Variants in RPGRIP1L observed in about 807,000 individuals in gnomAD.
The protein encoded by RPGRIP1L is RPGRIP1 like, also known as protein fantom.
Under a neutral mutation model 160.4 loss-of-function variants are expected in RPGRIP1L, and 131 were observed. The observed-to-expected ratio is 0.82, with a 90% CI of 0.71 to 0.94. The LOEUF is 0.94. Ranked by LOEUF, RPGRIP1L falls within the 40% of genes least tolerant of loss-of-function variation. The probability of loss-of-function intolerance (pLI) is 0.00; values close to 1 mark genes in which losing one functional copy is unlikely to be tolerated. For synonymous variants in RPGRIP1L, 510 were observed against 515.8 expected (o/e 0.99, Z 0.15); for missense variants, 1,522 against 1,535.8 (o/e 0.99, Z 0.15).
intron 24 of RPGRIP1L, among the ~76,000 whole-genome samples, chr16:53,611,816 C>T (rs1053142532): frequency 4.6e-5 from 7 of 152,160 alleles, no homozygotes; most frequent in Non-Finnish European, 7.4e-5. Context: ...GTTCTCAGTT[C>T]GGCAGACTTT....
At chr16:53,695,428 C>T (rs1472439947) in intron 3 of RPGRIP1L, 2 of 702,836 alleles carry the variant, frequency 2.8e-6, no homozygotes, top group Non-Finnish European at 5.2e-6. Context: ...TATTTTCATT[C>T]TTCAATGGTT....
At chr16:53,663,388 T>C (rs1339870925) in intron 10 of RPGRIP1L, among the ~76,000 whole-genome samples, 2 of 152,060 alleles carry the variant, frequency 1.3e-5, no homozygotes, top group Non-Finnish European at 2.9e-5. Flanking sequence ...ATCCAAAAGA[T>C]AACAGCTTTA....
chr16:53,645,774 G>T lies in RPGRIP1L; in HGVS notation c.2534C>A (p.Pro845Gln). The part of the protein sequence containing the change: ...DPQFDDHMYF[P>Q]VPMNMDLDRY... Reference sequence around the variant, plus strand: ...ATCCAAGTCCATATTCATTGGCACTGGGAAATACATATGATCATCAAACTG... The same window carrying T: ...ATCCAAGTCCATATTCATTGGCACTTGGAAATACATATGATCATCAAACTG... The change falls in exon 17 of 27, where the codon CCA (proline) becomes CAA (glutamine). Residue 845 changes from proline (P) to glutamine (Q), a missense_variant. Coordinates refer to ENST00000647211, the MANE Select transcript of RPGRIP1L (RefSeq NM_015272.5). The T allele has an allele frequency of 6.2e-7, 1 of 1,614,106 alleles. No individual in the cohort carries two copies. The highest frequency in any genetic ancestry group is 1.1e-5 in the South Asian group (1 of 91,058).
chr16:53,641,101 G>A lies in RPGRIP1L; in HGVS notation c.2890C>T (p.Pro964Ser). ...TCTACAGGTGTTAAACGTTGTCTTG[G>A]TTTAGGTCTTGGTGCCTAAGACAAA... ...STLVLAPRPK[P>S]RQRLTPVDKK... Residue 964 changes from proline to serine, a missense_variant, in exon 19 of 27, where the codon CCA becomes TCA. Transcript: ENST00000647211. 6.2e-7 allele frequency: 1 copy of A among 1,613,704 alleles called. No individual in the cohort carries two copies. Among genetic ancestry groups the A allele is most frequent in the Non-Finnish European group, 8.5e-7 (1 of 1,179,756 alleles).
rs565356908 is a variant in RPGRIP1L at position 53,598,224 on chromosome 16, T to C, written c.*3852A>G. 6.6e-6 allele frequency: 1 copy of C among 152,220 alleles called. No homozygotes were observed. The highest frequency in any genetic ancestry group is 2.1e-4 in the South Asian group (1 of 4,810). The allele number at this position is 152,220 out of a possible 1,614,324, so 9.4% of individuals were successfully genotyped here. On this transcript the variant is annotated 3_prime_UTR_variant, in exon 27 of 27. Coordinates refer to ENST00000647211, the MANE Select transcript of RPGRIP1L (RefSeq NM_015272.5). Reference sequence around the variant, plus strand: ...CACAGTGAAGACAGAGGTAATGCTGTTCTAGGGATGAAAAAGGTGACTCTC... The same window carrying C: ...CACAGTGAAGACAGAGGTAATGCTGCTCTAGGGATGAAAAAGGTGACTCTC...
At chr16:53,603,580 C>T (rs1018851266) in intron 26 of RPGRIP1L, among the ~76,000 whole-genome samples, 19 of 152,174 alleles carry the variant, frequency 1.2e-4, no homozygotes, top group African/African-American at 3.6e-4. Context: ...GTCCACCTGC[C>T]TTGGTCTCCC....
At chr16:53,658,620 T>C in intron 11 of RPGRIP1L, 152 bp downstream of exon 11, 1 of 831,764 alleles carries the variant, frequency 1.2e-6, no homozygotes. Flanking sequence ...AAAATGTCCC[T>C]ATGGAACATA....
At chr16:53,622,457 C>G in intron 22 of RPGRIP1L, 101 bp from the exon 23 acceptor site, 1 of 538,626 alleles carries the variant, frequency 1.9e-6, no homozygotes, top group Non-Finnish European at 3.3e-6. Flanking sequence ...CATTCCCTCT[C>G]CTCTCCCCCA....
At chr16:53,646,636 G>A (rs375597936) in intron 16 of RPGRIP1L, among the ~76,000 whole-genome samples, 1 of 152,106 alleles carries the variant, frequency 6.6e-6, no homozygotes, top group African/African-American at 2.4e-5. Context: ...GGAGATGGAC[G>A]GCACACAGAT....
chr16:53,645,528 G>T, intron 17 of RPGRIP1L, 97 bp downstream of exon 17: 1 of 1,161,826 alleles, frequency 8.6e-7, no homozygotes, highest in Non-Finnish European at 1.2e-6. Context: ...CTGAGAAGAG[G>T]TTAGGGTGAT....
At chr16:53,609,292 C>G (rs1479206549) in intron 25 of RPGRIP1L, among the ~76,000 whole-genome samples, 1 of 151,998 alleles carries the variant, frequency 6.6e-6, no homozygotes, top group Non-Finnish European at 1.5e-5. Context: ...GATGGGGAGT[C>G]TCACTATGTT....
intron 4 of RPGRIP1L, 114 bp from the exon 5 acceptor site, chr16:53,688,079 T>C (rs939038808): frequency 7.6e-5 from 53 of 693,406 alleles, no homozygotes; most frequent in Admixed American, 2.1e-4. Context: ...AAGAGGTATG[T>C]GTTTTATAGT....
intron 10 of RPGRIP1L, 26 bp from the exon 11 acceptor site, chr16:53,658,904 G>C: frequency 1.4e-6 from 2 of 1,410,060 alleles, no homozygotes; most frequent in Non-Finnish European, 2.0e-6. Flanking sequence ...CACACAATTG[G>C]AAAGGTAAGT....
At chr16:53,636,680 A>G (rs1390953494) in intron 21 of RPGRIP1L, among the ~76,000 whole-genome samples, 168 bp from the exon 22 acceptor site, 1 of 152,124 alleles carries the variant, frequency 6.6e-6, no homozygotes, top group African/African-American at 2.4e-5. Flanking sequence ...ATTACATTTT[A>G]GGGAAAAAAA....
intron 26 of RPGRIP1L, among the ~76,000 whole-genome samples, chr16:53,602,880 C>T (rs1316749555): frequency 1.3e-5 from 2 of 152,124 alleles, no homozygotes; most frequent in Non-Finnish European, 2.9e-5. Flanking sequence ...ACAGATGTTA[C>T]ATGATCATAG....
At chr16:53,606,606 A>AT (rs1316742594) in intron 25 of RPGRIP1L, among the ~76,000 whole-genome samples, 3 of 151,994 alleles carry the variant, frequency 2.0e-5, no homozygotes, top group African/African-American at 7.2e-5. Flanking sequence ...AGCAATAAGA[A>AT]TTTTTTTGTT....
At chr16:53,684,208 A>G (rs973586599) in intron 6 of RPGRIP1L, among the ~76,000 whole-genome samples, 1 of 152,162 alleles carries the variant, frequency 6.6e-6, no homozygotes, top group African/African-American at 2.4e-5. Context: ...ATCTAGAACT[A>G]GAAATACCAT....
chr16:53,691,921 A>T, intron 4 of RPGRIP1L, 145 bp downstream of exon 4: 9 of 767,858 alleles, frequency 1.2e-5, no homozygotes, highest in Non-Finnish European at 2.0e-5. Flanking sequence ...CACTGACAAT[A>T]TTATTTTATC....
intron 24 of RPGRIP1L, among the ~76,000 whole-genome samples, chr16:53,613,783 A>G (rs185177310): frequency 3.3e-5 from 5 of 152,298 alleles, no homozygotes; most frequent in Admixed American, 2.6e-4. Context: ...ACTGGGTACT[A>G]TTTATGTGCT....
Sources: gnomAD v4.1 joint callset for allele counts (sites outside exome capture counted in the v4.1 genomes callset) on GRCh38, gnomAD v4.1.1 for gene constraint, MANE v1.5 for transcripts, NCBI Gene and HGNC (gene_info 2026-07-23, HGNC 2026-07-21) for gene names.